Variants in MYT1 observed in about 807,000 individuals in gnomAD.
MYT1 encodes the protein myelin transcription factor 1.
Under a neutral mutation model 123.0 loss-of-function variants are expected in MYT1, and 23 were observed. The ratio of observed to expected loss-of-function variants is 0.19; its 90% CI spans 0.13 to 0.26. The LOEUF is 0.26. Ranked by LOEUF, MYT1 falls within the 10% of genes least tolerant of loss-of-function variation. MYT1 has a pLI of 1.00. For synonymous variants in MYT1, 518 were observed against 575.3 expected, an observed-to-expected ratio of 0.90 and a Z score of 1.43; for missense variants, 1,125 against 1,472.5, an observed-to-expected ratio of 0.76 and a Z score of 3.86.
chr20:64,239,187 GAGA>G (rs1984639878), intron 21 of MYT1, among the ~76,000 whole-genome samples: 1 of 152,250 alleles, frequency 6.6e-6, no homozygotes, highest in Non-Finnish European at 1.5e-5. Flanking sequence ...GTGGGGAAGT[GAGA>G]AGACTTGCCT....
chr20:64,239,461 TCTC>T (rs1171751425), intron 21 of MYT1, among the ~76,000 whole-genome samples: 3 of 151,920 alleles, frequency 2.0e-5, no homozygotes, highest in East Asian at 1.9e-4. Flanking sequence ...AGTGGGGACT[TCTC>T]CTGCACGGCG....
At position 64,202,769 on chromosome 20, in the gene MYT1, C is replaced by T. The variant is rs903255891; in HGVS notation, c.87-2266C>T. On this transcript the variant is annotated intron_variant, in intron 4 of 22. Transcript: ENST00000328439. This position sits in a 1 kb window ranked among gnomAD's most constrained non-coding sequence, Gnocchi z 5.0. ...AGCTGAGGGGTGACTGTGGGCCACACCCTCTTCCCAGCCTCACGTGCATCC... is the reference window on the plus strand; with the variant it reads ...AGCTGAGGGGTGACTGTGGGCCACATCCTCTTCCCAGCCTCACGTGCATCC... 2.6e-5 allele frequency among the ~76,000 whole-genome samples: 4 copies of T among 152,200 alleles called. No homozygotes were observed. Among genetic ancestry groups the T allele is most frequent in the African/African-American group, 9.7e-5 (4 of 41,440 alleles).
chr20:64,181,279 G>A (rs546576804), intron 1 of MYT1, among the ~76,000 whole-genome samples: 2 of 151,874 alleles, frequency 1.3e-5, no homozygotes, highest in South Asian at 2.1e-4. Flanking sequence ...TTTAGTTCTC[G>A]GAAAATTTTT....
In MYT1 at chr20:64,231,241, G is replaced by A. The variant is rs944897677; in HGVS notation, c.2676-923G>A. 2.6e-5 allele frequency among the ~76,000 whole-genome samples: 4 copies of A among 152,192 alleles called. No homozygotes were observed. Among genetic ancestry groups the A allele is most frequent in the Non-Finnish European group, 4.4e-5 (3 of 68,030 alleles). ...TGAAGAGATAAGAATGAGCCTTGCAGATTGAAGATCTTGTCCTGGGTTTGG... is the reference window on the plus strand; with the variant it reads ...TGAAGAGATAAGAATGAGCCTTGCAAATTGAAGATCTTGTCCTGGGTTTGG... On this transcript the variant is annotated intron_variant, in intron 18 of 22. Transcript: ENST00000328439. The surrounding 1 kb of genome is among the most constrained non-coding windows in gnomAD (Gnocchi z 6.4).
Position 64,240,446 on chromosome 20 carries a change from T to G in MYT1, c.3364T>G (p.Ter1122GluextTer30), listed in dbSNP as rs1402698644. ...IKQAVRGIQV[*>E] ...GCAGGCTGTGAGGGGCATCCAGGTC[T>G]AGGCCGTGTGGTACCCAGAAGTGTC... The change falls in exon 23 of 23, where the codon TAG (stop) becomes GAG (glutamate). Residue 1122 changes from the stop codon to glutamate (E), a stop_lost. Coordinates refer to ENST00000328439, the MANE Select transcript of MYT1 (RefSeq NM_004535.3). 1.9e-6 allele frequency: 3 copies of G among 1,612,252 alleles called. No individual in the cohort carries two copies. The highest frequency in any genetic ancestry group is 1.3e-5 in the African/African-American group (1 of 74,912).
At chr20:64,240,291 G>T in intron 22 of MYT1, 29 bp from the exon 23 acceptor site, 1 of 1,609,280 alleles carries the variant, frequency 6.2e-7, no homozygotes, top group South Asian at 1.1e-5. Context: ...TGCATGGACG[G>T]AGCTTGCTAA....
At chr20:64,204,886 G>A (rs1983435780) in intron 4 of MYT1, 149 bp from the exon 5 acceptor site, 4 of 679,880 alleles carry the variant, frequency 5.9e-6, no homozygotes, top group South Asian at 5.5e-5. Flanking sequence ...ATTTGAATGG[G>A]GCGAGTTATT....
intron 1 of MYT1, among the ~76,000 whole-genome samples, chr20:64,187,797 C>T (rs755653435): frequency 1.1e-4 from 17 of 152,208 alleles, no homozygotes; most frequent in South Asian, 4.1e-4. Flanking sequence ...AAGGTTGAGC[C>T]GGGTCCTCAG....
At chr20:64,169,564 G>A (rs1447309976) in intron 1 of MYT1, among the ~76,000 whole-genome samples, 1 of 152,152 alleles carries the variant, frequency 6.6e-6, no homozygotes, top group African/African-American at 2.4e-5. Flanking sequence ...CAGGGAGCCC[G>A]GGGATGGTTC....
Position 64,217,000 on chromosome 20 carries a change from T to C in MYT1, c.1632-67T>C, listed in dbSNP as rs552544973. 7.9e-5 allele frequency: 118 copies of C among 1,489,066 alleles called. 2 individuals are homozygous for C. The South Asian group carries it at 1.3e-3, about 16-fold the overall frequency. The allele number at this position is 1,489,066 out of a possible 1,614,324, so 92.2% of individuals were successfully genotyped here. A position where few individuals can be genotyped will look rare whatever the true frequency, so the allele number is the denominator to read the frequency against. Reference sequence around the variant, plus strand: ...CCCTGCCTGGGCTGCAGATTGGGGTTGGGGAGGGTGGCACGGGATCCCCAG... The same window carrying C: ...CCCTGCCTGGGCTGCAGATTGGGGTCGGGGAGGGTGGCACGGGATCCCCAG... On this transcript the variant is annotated intron_variant, in intron 10 of 22. Transcript: ENST00000328439.
Position 64,207,664 on chromosome 20 carries a change from C to A in MYT1, c.468C>A (p.Ser156Arg), listed in dbSNP as rs75329253. 512 of 1,614,110 alleles carry A rather than the reference C, an allele frequency of 3.2e-4. 7 individuals carry two copies. In the East Asian group the frequency reaches 8.9e-3, roughly 28 times the overall value. ...GCGCCACTGCCTCCTCCAAGGGCAGCTACAGCAGCTACCAGGGAATCATCG... is the reference window on the plus strand; with the variant it reads ...GCGCCACTGCCTCCTCCAAGGGCAGATACAGCAGCTACCAGGGAATCATCG... ...IGSATASSKG[S>R]YSSYQGIIAT... The change falls in exon 7 of 23, where the codon AGC (serine) becomes AGA (arginine). Residue 156 changes from serine (S) to arginine (R), a missense_variant. Transcript: ENST00000328439.
chr20:64,227,570 A>G, intron 17 of MYT1, 93 bp downstream of exon 17: 1 of 1,152,814 alleles, frequency 8.7e-7, no homozygotes, highest in African/African-American at 1.5e-5. Context: ...TGTTGCTGAC[A>G]GCTAGAGTCC....
chr20:64,193,211 G>A lies in MYT1; in HGVS notation c.-1+3051G>A, dbSNP rs1224019081. Among the ~76,000 whole-genome samples, 3 of 152,160 alleles carry A rather than the reference G, an allele frequency of 2.0e-5. No individual in the cohort carries two copies. The highest frequency in any genetic ancestry group is 7.2e-5 in the African/African-American group (3 of 41,432). ...AAGGGTACTGTGATGGCTGCCAGTG[G>A]GGATCAGGGGTGAGGGCATATGGTT... On this transcript the variant is annotated intron_variant, in intron 2 of 22. Coordinates refer to ENST00000328439, the MANE Select transcript of MYT1 (RefSeq NM_004535.3). The surrounding 1 kb of genome is among the most constrained non-coding windows in gnomAD (Gnocchi z 4.0).
At chr20:64,165,088 G>A (rs1982042196) in intron 1 of MYT1, among the ~76,000 whole-genome samples, 1 of 152,096 alleles carries the variant, frequency 6.6e-6, no homozygotes, top group African/African-American at 2.4e-5. Context: ...AGGAACAACG[G>A]ATATGTCTGT....
At chr20:64,226,265 C>A (rs765491693) in intron 16 of MYT1, among the ~76,000 whole-genome samples, 1 of 152,238 alleles carries the variant, frequency 6.6e-6, no homozygotes, top group African/African-American at 2.4e-5. Context: ...CTCCTAGGGG[C>A]CGAAGAGAAG....
chr20:64,197,529 G>A (rs1479874320), intron 2 of MYT1, among the ~76,000 whole-genome samples: 1 of 152,222 alleles, frequency 6.6e-6, no homozygotes, highest in African/African-American at 2.4e-5. Flanking sequence ...TGGGACAGGT[G>A]TGGATTTGCT....
rs1287901623 is a variant in MYT1 at position 64,203,853 on chromosome 20, A to G, written c.87-1182A>G. Among the ~76,000 whole-genome samples, 1 of 152,192 alleles carries G rather than the reference A, an allele frequency of 6.6e-6. No individual in the cohort carries two copies. The highest frequency in any genetic ancestry group is 6.5e-5 in the Admixed American group (1 of 15,282). Reference sequence around the variant, plus strand: ...GCGTTCTTTTCCCCGGGTCCCAGGTATGGGGGCACCAGCCCTTACCTTCCT... The same window carrying G: ...GCGTTCTTTTCCCCGGGTCCCAGGTGTGGGGGCACCAGCCCTTACCTTCCT... On this transcript the variant is annotated intron_variant, in intron 4 of 22. Transcript: ENST00000328439. This position sits in a 1 kb window ranked among gnomAD's most constrained non-coding sequence, Gnocchi z 5.1.
In MYT1 at chr20:64,198,669, T is replaced by C. The variant is rs1467318650; in HGVS notation, c.1-193T>C. 2.0e-5 allele frequency among the ~76,000 whole-genome samples: 3 copies of C among 152,252 alleles called. No homozygotes were observed. In the East Asian group the frequency reaches 5.8e-4, roughly 29 times the overall value. On this transcript the variant is annotated intron_variant, in intron 2 of 22. Coordinates refer to ENST00000328439, the MANE Select transcript of MYT1 (RefSeq NM_004535.3). Reference sequence around the variant, plus strand: ...TCCAAGCCTTGTAGAAGGTCCTTTCTCTACACCCTCCCACCTGCTGCTCCT... The same window carrying C: ...TCCAAGCCTTGTAGAAGGTCCTTTCCCTACACCCTCCCACCTGCTGCTCCT...
At chr20:64,197,592 T>C (rs1350945057) in intron 2 of MYT1, among the ~76,000 whole-genome samples, 7 of 152,204 alleles carry the variant, frequency 4.6e-5, no homozygotes, top group African/African-American at 1.7e-4. Context: ...GCTCTCCTCT[T>C]GGGCCTCCCC....
Sources: allele counts gnomAD v4.1 joint callset (sites outside exome capture counted in the v4.1 genomes callset), GRCh38; gene constraint gnomAD v4.1.1; non-coding constraint Gnocchi (gnomAD v3.1); transcripts MANE v1.5; gene names NCBI Gene and HGNC (gene_info 2026-07-23, HGNC 2026-07-21).